The following TOX variants were observed in gnomAD, a reference collection of about 807,000 sequenced individuals.
TOX encodes the protein thymocyte selection associated high mobility group box.
A neutral mutation model predicts 53.7 loss-of-function variants in TOX; 11 were observed. The ratio of observed to expected loss-of-function variants is 0.20; its 90% CI spans 0.13 to 0.34. TOX has a LOEUF of 0.34. Ranked by LOEUF, TOX falls within the 10% of genes least tolerant of loss-of-function variation. The pLI, the probability that TOX is intolerant of heterozygous loss-of-function variation, is 1.00. For missense variants in TOX, 570 were observed against 664.6 expected, an observed-to-expected ratio of 0.86 and a Z score of 1.56; for synonymous variants, 225 against 245.3, an observed-to-expected ratio of 0.92 and a Z score of 0.77.
At position 58,851,964 on chromosome 8, in the gene TOX, T is replaced by C. The variant is rs187705083; in HGVS notation, c.412-159A>G. Among the ~76,000 whole-genome samples the C allele has an allele frequency of 5.6e-4, 85 of 152,208 alleles. No individual in the cohort carries two copies. Among genetic ancestry groups the C allele is most frequent in the African/African-American group, 1.7e-3 (70 of 41,550 alleles). On this transcript the variant is annotated intron_variant, in intron 3 of 8. Coordinates refer to ENST00000361421, the MANE Select transcript of TOX (RefSeq NM_014729.3). The surrounding 1 kb of genome is among the most constrained non-coding windows in gnomAD (Gnocchi z 4.4). ...TATTTTATCTGGGGTAAAATAATCC[T>C]AAAAGTATATATCACCATAAAGGAT...
chr8:58,984,420 A>G (rs1012868306), intron 1 of TOX, among the ~76,000 whole-genome samples: 2 of 152,180 alleles, frequency 1.3e-5, no homozygotes, highest in African/African-American at 4.8e-5. Context: ...GATGTTCAAC[A>G]CCACTAATTG....
At chr8:59,000,802 C>G (rs139256977) in intron 1 of TOX, among the ~76,000 whole-genome samples, 1 of 152,048 alleles carries the variant, frequency 6.6e-6, no homozygotes, top group East Asian at 1.9e-4. Flanking sequence ...AGAGATCAAA[C>G]CCACTGCAAA....
chr8:59,110,567 T>C (rs1175488709), intron 1 of TOX, among the ~76,000 whole-genome samples: 1 of 152,138 alleles, frequency 6.6e-6, no homozygotes, highest in South Asian at 2.1e-4. Flanking sequence ...GAGGAAGGTA[T>C]AGAGAGGTAA....
chr8:58,868,297 T>C (rs916889051), intron 3 of TOX, among the ~76,000 whole-genome samples: 6 of 152,314 alleles, frequency 3.9e-5, no homozygotes, highest in African/African-American at 1.4e-4. Context: ...GGTATGTCTT[T>C]ATTAGCAGCA....
At chr8:58,992,313 C>A (rs1170296781) in intron 1 of TOX, among the ~76,000 whole-genome samples, 1 of 152,274 alleles carries the variant, frequency 6.6e-6, no homozygotes, top group East Asian at 1.9e-4. Context: ...TCAAGGCACA[C>A]AAATGCTTGC....
chr8:59,024,022 A>G (rs1382918611), intron 1 of TOX, among the ~76,000 whole-genome samples: 1 of 152,236 alleles, frequency 6.6e-6, no homozygotes, highest in Non-Finnish European at 1.5e-5. Flanking sequence ...GGTAATGAAA[A>G]GAAAAGGCAA....
At chr8:58,832,820 C>A (rs1489214902) in intron 5 of TOX, among the ~76,000 whole-genome samples, 1 of 152,156 alleles carries the variant, frequency 6.6e-6, no homozygotes, top group Non-Finnish European at 1.5e-5. Context: ...CACGAGGCGT[C>A]AAACATAGGA....
intron 1 of TOX, among the ~76,000 whole-genome samples, chr8:59,047,469 C>T (rs933153604): frequency 4.6e-5 from 7 of 151,722 alleles, no homozygotes; most frequent in Non-Finnish European, 8.8e-5. Flanking sequence ...CCTCGTGATC[C>T]GCCCGCCTCG....
At chr8:58,944,541 C>T (rs139877578) in intron 2 of TOX, among the ~76,000 whole-genome samples, 1 of 152,266 alleles carries the variant, frequency 6.6e-6, no homozygotes, top group Non-Finnish European at 1.5e-5. Context: ...TTAAGAATGG[C>T]CACTGTGCAT....
intron 1 of TOX, among the ~76,000 whole-genome samples, chr8:59,096,902 C>A (rs1021711754): frequency 2.0e-5 from 3 of 152,186 alleles, no homozygotes; most frequent in African/African-American, 7.2e-5. Flanking sequence ...GTAGAGACTT[C>A]TTCATCTGGC....
chr8:58,887,851 C>T (rs990359733), intron 3 of TOX, among the ~76,000 whole-genome samples: 5 of 151,958 alleles, frequency 3.3e-5, no homozygotes, highest in African/African-American at 4.8e-5. Context: ...AATATTCTTA[C>T]GAATACAGCA....
chr8:58,921,634 A>G (rs1812078337), intron 3 of TOX, among the ~76,000 whole-genome samples: 1 of 152,216 alleles, frequency 6.6e-6, no homozygotes, highest in Non-Finnish European at 1.5e-5. Context: ...ATAAGAAAGA[A>G]AAAGAAAAAA....
chr8:58,981,013 A>G (rs973200676), intron 1 of TOX, among the ~76,000 whole-genome samples: 24 of 152,074 alleles, frequency 1.6e-4, no homozygotes, highest in Admixed American at 1.2e-3. Context: ...CTCTCTGTTT[A>G]TTGCCTTTCC....
In TOX at chr8:59,039,478, G is replaced by GTTT. The variant is rs1261979827; in HGVS notation, c.102+79407_102+79408insAAA. The stretch of plus-strand genomic sequence containing the variant: ...CTTGGTAGTGAACAAGCAGACAGCT[G>GTTT]AAGGAGTAAAAATTCTAGGATTTTT... On this transcript the variant is annotated intron_variant, in intron 1 of 8. Transcript: ENST00000361421. 8.4e-4 allele frequency among the ~76,000 whole-genome samples: 128 copies of GTTT among 152,324 alleles called. 1 individual carries two copies. The East Asian group carries it at 0.022, about 26-fold the overall frequency.
intron 2 of TOX, among the ~76,000 whole-genome samples, chr8:58,956,601 A>G (rs1226020767): frequency 2.6e-5 from 4 of 152,018 alleles, no homozygotes; most frequent in Non-Finnish European, 5.9e-5. Context: ...CCCAAATACT[A>G]TATTATTATT....
chr8:59,048,378 C>T (rs1039355039), intron 1 of TOX, among the ~76,000 whole-genome samples: 2 of 152,196 alleles, frequency 1.3e-5, no homozygotes, highest in Non-Finnish European at 2.9e-5. Context: ...CATCCATGAA[C>T]AGTTCCATGA....
chr8:59,099,740 A>G (rs114850528), intron 1 of TOX, among the ~76,000 whole-genome samples: 2,807 of 152,302 alleles, frequency 0.018, 35 homozygotes, highest in Middle Eastern at 0.037. Context: ...TTAGTTTATA[A>G]GAGATGGCCA....
At chr8:59,067,119 G>C (rs1160906224) in intron 1 of TOX, among the ~76,000 whole-genome samples, 1 of 152,004 alleles carries the variant, frequency 6.6e-6, no homozygotes, top group Non-Finnish European at 1.5e-5. Context: ...AATCCAGAAG[G>C]GGGGCCGGGG....
At chr8:58,823,676 T>A (rs1349880956) in intron 6 of TOX, among the ~76,000 whole-genome samples, 1 of 152,220 alleles carries the variant, frequency 6.6e-6, no homozygotes, top group African/African-American at 2.4e-5. Context: ...ACTTCAGGCC[T>A]TTCAAGTATC....
Sources: allele counts gnomAD v4.1 joint callset (sites outside exome capture counted in the v4.1 genomes callset), GRCh38; gene constraint gnomAD v4.1.1; non-coding constraint Gnocchi (gnomAD v3.1); transcripts MANE v1.5; gene names NCBI Gene and HGNC (gene_info 2026-07-23, HGNC 2026-07-21).